The following CFAP77 variants were observed in gnomAD, a reference collection of about 807,000 sequenced individuals.
CFAP77 encodes cilia- and flagella-associated protein 77.
CFAP77 carries 25 observed loss-of-function variants against 31.1 expected under a neutral mutation model. The ratio of observed to expected loss-of-function variants is 0.80; its 90% CI spans 0.59 to 1.12. CFAP77 has a LOEUF of 1.12. Among genes scored for constraint, CFAP77 ranks in the 50% most tolerant of loss-of-function variants. The pLI is 0.00. For missense variants in CFAP77, 377 were observed against 397.3 expected, an observed-to-expected ratio of 0.95 and a Z score of 0.44; for synonymous variants, 151 against 159.9, an observed-to-expected ratio of 0.94 and a Z score of 0.42.
chr9:132,504,048 A>G (rs1851895584), intron 3 of CFAP77, among the ~76,000 whole-genome samples: 2 of 152,248 alleles, frequency 1.3e-5, no homozygotes, highest in East Asian at 3.8e-4. Context: ...CAAAGAAAAG[A>G]AAAGAAAAGA....
At chr9:132,551,562 C>T (rs1252483111) in intron 5 of CFAP77, among the ~76,000 whole-genome samples, 1 of 152,234 alleles carries the variant, frequency 6.6e-6, no homozygotes, top group African/African-American at 2.4e-5. Context: ...TCCCAAAGTG[C>T]CGGGATTACA....
At chr9:132,556,613 G>C (rs967305552) in intron 5 of CFAP77, among the ~76,000 whole-genome samples, 2 of 152,174 alleles carry the variant, frequency 1.3e-5, no homozygotes, top group South Asian at 2.1e-4. Context: ...GAGGGAGAGG[G>C]GGGTGGCAGC....
intron 3 of CFAP77, among the ~76,000 whole-genome samples, chr9:132,523,315 C>A (rs1483050500): frequency 6.6e-6 from 1 of 152,198 alleles, no homozygotes; most frequent in African/African-American, 2.4e-5. Flanking sequence ...TCTGGAACTC[C>A]TGACCTCAAG....
Position 132,539,480 on chromosome 9 carries a change from T to C in CFAP77, c.630+1774T>C, listed in dbSNP as rs1852602999. 6.6e-6 allele frequency among the ~76,000 whole-genome samples: 1 copy of C among 152,210 alleles called. No homozygotes were observed. Among genetic ancestry groups the C allele is most frequent in the South Asian group, 2.1e-4 (1 of 4,832 alleles). ...AGTGATTTGCCAACAGTGTCAGACC[T>C]AGGTGTGTCCAGCCTGAGAGTCCAG... On this transcript the variant is annotated intron_variant, in intron 4 of 5. Coordinates refer to ENST00000393216, the MANE Select transcript of CFAP77 (RefSeq NM_001282957.2). This position sits in a 1 kb window ranked among gnomAD's most constrained non-coding sequence, Gnocchi z 4.3.
Position 132,572,672 on chromosome 9 carries a change from C to A in CFAP77, c.*162C>A. The A allele has an allele frequency of 1.3e-6, 1 of 741,188 alleles. No homozygotes were observed. 45.9% of individuals were successfully genotyped at this position (741,188 alleles called of 1,614,324 possible). ...GGCTAATTGTTTTTGGTAAAAGTCC[C>A]CCCTTTTAGGTTAGCCAACATTAGT... On this transcript the variant is annotated 3_prime_UTR_variant, in exon 6 of 6. Coordinates refer to ENST00000393216, the MANE Select transcript of CFAP77 (RefSeq NM_001282957.2).
intron 3 of CFAP77, among the ~76,000 whole-genome samples, chr9:132,510,492 A>T (rs2118992147): frequency 1.3e-5 from 2 of 152,356 alleles, no homozygotes; most frequent in African/African-American, 4.8e-5. Flanking sequence ...GCTGTGAGCC[A>T]GCCGGCACCT....
chr9:132,531,626 G>GGGC (rs1010380044), intron 3 of CFAP77, among the ~76,000 whole-genome samples: 1 of 98,054 alleles, frequency 1.0e-5, no homozygotes, highest in African/African-American at 5.8e-5. Context: ...GCTAAGACAT[G>GGGC]GGGGGGGGGG....
chr9:132,449,480 C>G (rs935477784), intron 1 of CFAP77, among the ~76,000 whole-genome samples: 8 of 151,910 alleles, frequency 5.3e-5, no homozygotes, highest in Non-Finnish European at 1.2e-4. Context: ...GCATAAGGCA[C>G]CTGAGATTCA....
rs1218806541 is a variant in CFAP77 at position 132,572,590 on chromosome 9, T to C, written c.*80T>C. The C allele has an allele frequency of 6.0e-5, 82 of 1,367,914 alleles. No individual in the cohort carries two copies. Among genetic ancestry groups the C allele is most frequent in the Non-Finnish European group, 7.9e-5 (80 of 1,012,588 alleles). 84.7% of individuals were successfully genotyped at this position (1,367,914 alleles called of 1,614,324 possible). ...AGGACTCCCTATCTTGCCCCAACCC[T>C]GACATTCCCCCATTTTTATGCAGGT... On this transcript the variant is annotated 3_prime_UTR_variant, in exon 6 of 6. Coordinates refer to ENST00000393216, the MANE Select transcript of CFAP77 (RefSeq NM_001282957.2).
intron 3 of CFAP77, 80 bp from the exon 4 acceptor site, chr9:132,537,521 C>A: frequency 9.9e-7 from 1 of 1,009,344 alleles, no homozygotes; most frequent in Non-Finnish European, 1.5e-6. Context: ...GTTTAGGAGG[C>A]TCCCGGGGGC....
chr9:132,504,495 T>C (rs1851901927), intron 3 of CFAP77, among the ~76,000 whole-genome samples: 1 of 152,248 alleles, frequency 6.6e-6, no homozygotes, highest in Admixed American at 6.5e-5. Context: ...TTTAAAATGG[T>C]ATTTAATGAC....
In CFAP77 at chr9:132,480,140, G is replaced by A. The variant is rs1324240627; in HGVS notation, c.196-18555G>A. Among the ~76,000 whole-genome samples the A allele has an allele frequency of 6.6e-6, 1 of 152,076 alleles. No individual in the cohort carries two copies. Among genetic ancestry groups the A allele is most frequent in the Non-Finnish European group, 1.5e-5 (1 of 68,002 alleles). On this transcript the variant is annotated intron_variant, in intron 1 of 5. Transcript: ENST00000393216. This position sits in a 1 kb window ranked among gnomAD's most constrained non-coding sequence, Gnocchi z 5.8. ...ACTGAGGCCAGAGAAGAGGAGAGGG[G>A]GCCTCCTCGGCTGCTCTCCTGGACC...
chr9:132,505,926 T>G (rs903289498), intron 3 of CFAP77, among the ~76,000 whole-genome samples: 20 of 152,214 alleles, frequency 1.3e-4, no homozygotes, highest in African/African-American at 4.8e-4. Flanking sequence ...GAGCCACCGC[T>G]AACAAAAGCT....
At chr9:132,415,382 C>T (rs1408813344) in intron 1 of CFAP77, among the ~76,000 whole-genome samples, 4 of 152,194 alleles carry the variant, frequency 2.6e-5, no homozygotes, top group Non-Finnish European at 5.9e-5. Context: ...CGCCCAGCTC[C>T]GTGGCCATTT....
chr9:132,501,626 C>T lies in CFAP77; in HGVS notation c.524+2026C>T, dbSNP rs1363776664. ...CCATGTTGGCCAGGCTGGTCTTGAA[C>T]TCCTGGCCTCAGGTGATCCACCCGC... is the stretch of plus-strand genomic sequence containing the variant. On this transcript the variant is annotated intron_variant, in intron 3 of 5. Coordinates refer to ENST00000393216, the MANE Select transcript of CFAP77 (RefSeq NM_001282957.2). This position sits in a 1 kb window ranked among gnomAD's most constrained non-coding sequence, Gnocchi z 4.6. Among the ~76,000 whole-genome samples the T allele has an allele frequency of 2.6e-5, 4 of 152,224 alleles. No individual in the cohort carries two copies. Among genetic ancestry groups the T allele is most frequent in the Non-Finnish European group, 4.4e-5 (3 of 68,028 alleles).
chr9:132,449,539 A>T (rs1424726749), intron 1 of CFAP77, among the ~76,000 whole-genome samples: 1 of 152,040 alleles, frequency 6.6e-6, no homozygotes, highest in Non-Finnish European at 1.5e-5. Flanking sequence ...ATTGCCAAGA[A>T]GTTTTCCATC....
chr9:132,572,791 C>A lies in CFAP77; in HGVS notation c.*281C>A, dbSNP rs1476785832. On this transcript the variant is annotated 3_prime_UTR_variant, in exon 6 of 6. Coordinates refer to ENST00000393216, the MANE Select transcript of CFAP77 (RefSeq NM_001282957.2). ...GGCTCACCCTGCCTCTTCTCAAGCC[C>A]TCACCTGCCAAGACAAGCCCAAATT... 2 of 449,008 alleles carry A rather than the reference C, an allele frequency of 4.5e-6. No individual in the cohort carries two copies. The highest frequency in any genetic ancestry group is 7.8e-6 in the Non-Finnish European group (2 of 254,872). The allele number at this position is 449,008 out of a possible 1,614,324, so 27.8% of individuals were successfully genotyped here. A position where few individuals can be genotyped will look rare whatever the true frequency, so the allele number is the denominator to read the frequency against.
chr9:132,563,972 T>G (rs1434165448), intron 5 of CFAP77, among the ~76,000 whole-genome samples: 2 of 152,222 alleles, frequency 1.3e-5, no homozygotes, highest in Non-Finnish European at 2.9e-5. Context: ...TCTTTCTCTT[T>G]GAGTATCTGC....
intron 1 of CFAP77, among the ~76,000 whole-genome samples, chr9:132,420,353 C>T (rs1286958398): frequency 6.6e-6 from 1 of 150,750 alleles, no homozygotes; most frequent in Non-Finnish European, 1.5e-5. Flanking sequence ...AGGCACATCA[C>T]CTGGAATGTG....
Sources: gnomAD v4.1 joint callset for allele counts (sites outside exome capture counted in the v4.1 genomes callset) on GRCh38, gnomAD v4.1.1 for gene constraint, Gnocchi (gnomAD v3.1) non-coding constraint, MANE v1.5 for transcripts, NCBI Gene and HGNC (gene_info 2026-07-23, HGNC 2026-07-21) for gene names.